PDE4D: variants seen among roughly 807,000 people sequenced by gnomAD.
PDE4D encodes the protein 3',5'-cyclic-AMP phosphodiesterase 4D.
A neutral mutation model predicts 87.4 loss-of-function variants in PDE4D; 24 were observed. That is an observed-to-expected ratio of 0.27 (90% CI 0.20 to 0.39). PDE4D has a LOEUF of 0.39. Ranked by LOEUF, PDE4D falls within the 10% of genes least tolerant of loss-of-function variation. The pLI, the probability that PDE4D is intolerant of heterozygous loss-of-function variation, is 1.00. For missense variants in PDE4D, 714 were observed against 1,041.0 expected (o/e 0.69, Z 4.32); for synonymous variants, 384 against 383.2 (o/e 1.00, Z -0.02).
Position 59,322,744 on chromosome 5 carries a change from C to A in PDE4D, c.456-106776G>T, listed in dbSNP as rs548058095. 2.0e-5 allele frequency among the ~76,000 whole-genome samples: 3 copies of A among 152,200 alleles called. 1 individual carries two copies. Among genetic ancestry groups the A allele is most frequent in the African/African-American group, 7.2e-5 (3 of 41,566 alleles). On this transcript the variant is annotated intron_variant, in intron 1 of 14. Coordinates refer to ENST00000340635, the MANE Select transcript of PDE4D (RefSeq NM_001104631.2). ...TACTGCTTTATAAACTGAGGCCTTACAAAGTATTGAACATTTCTACTTGCC... is the reference window on the plus strand; with the variant it reads ...TACTGCTTTATAAACTGAGGCCTTAAAAAGTATTGAACATTTCTACTTGCC...
At chr5:59,539,531 T>C (rs1815917163) in intron 1 of PDE4D, among the ~76,000 whole-genome samples, 1 of 152,158 alleles carries the variant, frequency 6.6e-6, no homozygotes, top group Admixed American at 6.6e-5. Flanking sequence ...ATGAAATTAC[T>C]TCTCTACATA....
chr5:59,599,748 G>A (rs1827232196), intron 1 of PDE4D, among the ~76,000 whole-genome samples: 1 of 152,170 alleles, frequency 6.6e-6, no homozygotes, highest in South Asian at 2.1e-4. Context: ...TCTGTGTGCA[G>A]TGGAGTAAGT....
At chr5:60,249,819 C>A (rs1234930433) in intron 1 of PDE4D, among the ~76,000 whole-genome samples, 1 of 151,904 alleles carries the variant, frequency 6.6e-6, no homozygotes, top group East Asian at 1.9e-4. Flanking sequence ...AAAGCAGAAA[C>A]CACACATAAC....
At chr5:59,441,934 G>A (rs982214015) in intron 1 of PDE4D, among the ~76,000 whole-genome samples, 1 of 152,022 alleles carries the variant, frequency 6.6e-6, no homozygotes. Flanking sequence ...TATCTATGTT[G>A]TTCAACTAGG....
intron 1 of PDE4D, among the ~76,000 whole-genome samples, chr5:60,274,174 G>C (rs1751119852): frequency 6.6e-6 from 1 of 150,600 alleles, no homozygotes; most frequent in Admixed American, 6.6e-5. Flanking sequence ...GATGATGGGG[G>C]TAGAGAAAAA....
At chr5:58,978,453 C>G (rs1046151327) in intron 11 of PDE4D, among the ~76,000 whole-genome samples, 1 of 152,060 alleles carries the variant, frequency 6.6e-6, no homozygotes, top group African/African-American at 2.4e-5. Context: ...GTTAAAAGCA[C>G]AGGTATTTGA....
chr5:59,766,416 C>G (rs943538328), intron 1 of PDE4D, among the ~76,000 whole-genome samples: 1 of 152,162 alleles, frequency 6.6e-6, no homozygotes, highest in Non-Finnish European at 1.5e-5. Flanking sequence ...CCAAACAGCA[C>G]CAGAAAAGGA....
intron 1 of PDE4D, among the ~76,000 whole-genome samples, chr5:59,605,445 CTCTT>C (rs1326830730): frequency 6.6e-6 from 1 of 152,010 alleles, no homozygotes; most frequent in Admixed American, 6.6e-5. Context: ...TCTTAAGTCT[CTCTT>C]TCTTCTTTTA....
At chr5:59,579,375 T>C (rs1823695128) in intron 1 of PDE4D, among the ~76,000 whole-genome samples, 3 of 152,206 alleles carry the variant, frequency 2.0e-5, no homozygotes. Flanking sequence ...ATGACATTTT[T>C]CAGTAACTCA....
chr5:60,420,249 T>A (rs1742972997), intron 1 of PDE4D, among the ~76,000 whole-genome samples: 2 of 152,162 alleles, frequency 1.3e-5, no homozygotes, highest in Non-Finnish European at 2.9e-5. Flanking sequence ...GGTACCTCTC[T>A]ACAAGTAAAG....
intron 1 of PDE4D, among the ~76,000 whole-genome samples, chr5:59,563,214 A>G (rs1820341329): frequency 6.6e-6 from 1 of 152,238 alleles, no homozygotes; most frequent in African/African-American, 2.4e-5. Context: ...AGGACAGAAG[A>G]GAAGGTTACC....
chr5:59,335,807 T>C (rs975123047), intron 1 of PDE4D, among the ~76,000 whole-genome samples: 7 of 152,232 alleles, frequency 4.6e-5, no homozygotes, highest in Non-Finnish European at 1.5e-5. Context: ...GGGGCATTGT[T>C]CATATCAATA....
chr5:60,482,504 G>A (rs557224933), intron 1 of PDE4D, among the ~76,000 whole-genome samples: 1 of 152,264 alleles, frequency 6.6e-6, no homozygotes, highest in African/African-American at 2.4e-5. Flanking sequence ...AAGGTGAGCA[G>A]ACTTCTATGA....
At chr5:59,008,678 G>T (rs1180248458) in intron 6 of PDE4D, among the ~76,000 whole-genome samples, 1 of 151,906 alleles carries the variant, frequency 6.6e-6, no homozygotes, top group African/African-American at 2.4e-5. Context: ...CTTGCGTTAG[G>T]CAAAGATTTC....
chr5:59,951,589 T>C (rs912151015), intron 3 of PDE4D, among the ~76,000 whole-genome samples: 2 of 152,184 alleles, frequency 1.3e-5, no homozygotes, highest in Admixed American at 6.5e-5. Context: ...AATTTTACCA[T>C]GGACTGGCTT....
intron 1 of PDE4D, among the ~76,000 whole-genome samples, chr5:60,302,281 G>A (rs1390364384): frequency 6.6e-6 from 1 of 152,172 alleles, no homozygotes. Context: ...GAATTCAGCT[G>A]TTAATCCATC....
At chr5:60,474,507 T>C (rs1005501839) in intron 1 of PDE4D, among the ~76,000 whole-genome samples, 10 of 152,128 alleles carry the variant, frequency 6.6e-5, no homozygotes, top group African/African-American at 2.2e-4. Context: ...GGAAATTTCA[T>C]TGATGTGTCC....
At chr5:59,943,680 A>C (rs1292171991) in intron 3 of PDE4D, among the ~76,000 whole-genome samples, 1 of 152,202 alleles carries the variant, frequency 6.6e-6, no homozygotes, top group Non-Finnish European at 1.5e-5. Flanking sequence ...TCGTGCGGGC[A>C]GCACTGAAAA....
intron 1 of PDE4D, among the ~76,000 whole-genome samples, chr5:59,824,594 G>A (rs949683669): frequency 3.9e-5 from 6 of 152,114 alleles, no homozygotes; most frequent in Non-Finnish European, 7.4e-5. Context: ...CAATTTCAAA[G>A]GCTTTCAAAA....
Sources: gnomAD v4.1 joint callset for allele counts (sites outside exome capture counted in the v4.1 genomes callset) on GRCh38, gnomAD v4.1.1 for gene constraint, MANE v1.5 for transcripts, NCBI Gene and HGNC (gene_info 2026-07-23, HGNC 2026-07-21) for gene names.